The following PCDHA2 variants were observed in gnomAD, a reference collection of about 807,000 sequenced individuals.
PCDHA2 encodes the protein protocadherin alpha-2.
Under a neutral mutation model 66.0 loss-of-function variants are expected in PCDHA2, and 58 were observed. The observed-to-expected ratio is 0.88, with a 90% CI of 0.71 to 1.09. PCDHA2 has a LOEUF of 1.09. PCDHA2 is among the 50% of genes least tolerant of loss of function. PCDHA2 has a pLI of 0.00. For missense variants in PCDHA2, 1,267 were observed against 1,242.3 expected (o/e 1.02, Z -0.30); for synonymous variants, 634 against 554.0 (o/e 1.14, Z -2.03).
intron 1 of PCDHA2, chr5:140,875,666 G>A (rs781866030): frequency 1.2e-6 from 2 of 1,613,786 alleles, no homozygotes; most frequent in East Asian, 4.5e-5. Flanking sequence ...CGCCTGTTCC[G>A]GGTGGCGTCC....
intron 1 of PCDHA2, among the ~76,000 whole-genome samples, chr5:140,799,328 G>A (rs1392687463): frequency 1.3e-5 from 2 of 152,002 alleles, no homozygotes; most frequent in Non-Finnish European, 2.9e-5. Flanking sequence ...GTACTGAAAA[G>A]TGCAGTATTA....
intron 1 of PCDHA2, chr5:140,927,842 T>A (rs201721848): frequency 1.9e-6 from 3 of 1,614,140 alleles, no homozygotes; most frequent in Admixed American, 1.7e-5. Context: ...GACGAAGGTG[T>A]CTTTGGTTTA....
At chr5:140,870,789 G>A in intron 1 of PCDHA2, 3 of 1,613,630 alleles carry the variant, frequency 1.9e-6, no homozygotes, top group Admixed American at 1.7e-5. Context: ...ACAACGCGCC[G>A]GCACTGCTGG....
At chr5:140,903,616 T>C (rs1053634742) in intron 1 of PCDHA2, among the ~76,000 whole-genome samples, 72 of 152,338 alleles carry the variant, frequency 4.7e-4, no homozygotes, top group African/African-American at 1.7e-3. Context: ...CACATGAATG[T>C]GCATGCATAT....
At chr5:140,828,421 G>A (rs2150155146) in intron 1 of PCDHA2, 29 of 1,614,142 alleles carry the variant, frequency 1.8e-5, no homozygotes, top group East Asian at 1.1e-4. Context: ...AGGTGATCGT[G>A]GACAGGCCGC....
intron 1 of PCDHA2, among the ~76,000 whole-genome samples, chr5:140,949,294 T>C (rs1554218899): frequency 1.3e-5 from 2 of 151,840 alleles, no homozygotes; most frequent in African/African-American, 4.8e-5. Flanking sequence ...TATTCTGTAA[T>C]TGTTGGGTGT....
At chr5:140,883,024 A>G (rs782136244) in intron 1 of PCDHA2, 3 of 1,614,184 alleles carry the variant, frequency 1.9e-6, no homozygotes, top group Non-Finnish European at 2.5e-6. Context: ...TGACGGTGTT[A>G]GAGAACGCCT....
rs1418613785 is a variant in PCDHA2 at position 140,796,230 on chromosome 5, G to A, written c.1266G>A (p.Glu422=). The A allele has an allele frequency of 3.7e-6, 6 of 1,614,096 alleles. No homozygotes were observed. The Admixed American group carries it at 6.7e-5, about 18-fold the overall frequency. The change falls in exon 1 of 4, where the codon GAG becomes GAA. Residue 422 remains glutamate, a synonymous_variant. Coordinates refer to ENST00000526136, the MANE Select transcript of PCDHA2 (RefSeq NM_018905.3). ...ACCGCGAGAGCGTGTCAGCCTATGAGCTGGTGGTGACCGCACGGGACGGGG... is the reference window on the plus strand; with the variant it reads ...ACCGCGAGAGCGTGTCAGCCTATGAACTGGTGGTGACCGCACGGGACGGGG... ...ALDRESVSAY[E]LVVTARDGGS...
chr5:140,846,727 C>T (rs2150394030), intron 1 of PCDHA2, among the ~76,000 whole-genome samples: 16 of 149,262 alleles, frequency 1.1e-4, no homozygotes, highest in Non-Finnish European at 1.2e-4. Context: ...CTTCATTAAA[C>T]ATTAAATAGG....
At chr5:140,915,028 T>C (rs1583932096) in intron 1 of PCDHA2, among the ~76,000 whole-genome samples, 1 of 150,922 alleles carries the variant, frequency 6.6e-6, no homozygotes, top group Non-Finnish European at 1.5e-5. Context: ...TCACTGCAAC[T>C]TCTGCCTCCT....
intron 3 of PCDHA2, among the ~76,000 whole-genome samples, chr5:140,984,251 T>C (rs1164028325): frequency 6.6e-6 from 1 of 152,210 alleles, no homozygotes; most frequent in Non-Finnish European, 1.5e-5. Flanking sequence ...GTCGACCTGG[T>C]AAGCCACAAA....
intron 1 of PCDHA2, among the ~76,000 whole-genome samples, chr5:140,913,572 TCAAA>T (rs150264547): frequency 6.6e-6 from 1 of 152,264 alleles, no homozygotes; most frequent in East Asian, 1.9e-4. Context: ...TTTCATCATT[TCAAA>T]TATATTTCTG....
chr5:140,911,745 A>G (rs573838491), intron 1 of PCDHA2, among the ~76,000 whole-genome samples: 7 of 151,408 alleles, frequency 4.6e-5, no homozygotes, highest in Non-Finnish European at 1.0e-4. Flanking sequence ...AAGGACTATC[A>G]GTGTTCTCCA....
intron 1 of PCDHA2, chr5:140,862,842 G>C: frequency 1.7e-6 from 1 of 572,982 alleles, no homozygotes; most frequent in Non-Finnish European, 3.3e-6. Flanking sequence ...CGGGCATGCC[G>C]CCTCTGAGCA....
intron 1 of PCDHA2, chr5:140,851,446 T>G (rs576126527): frequency 1.1e-6 from 1 of 916,006 alleles, no homozygotes; most frequent in South Asian, 5.0e-5. Flanking sequence ...GTTGCTCCAC[T>G]TTAGGAATCA....
intron 1 of PCDHA2, chr5:140,870,439 G>T (rs374343977): frequency 6.2e-7 from 1 of 1,614,244 alleles, no homozygotes; most frequent in African/African-American, 1.3e-5. Context: ...GGAGGTGGCC[G>T]ACGTGAACGA....
At chr5:140,885,016 T>C (rs1554181958) in intron 1 of PCDHA2, among the ~76,000 whole-genome samples, 1 of 152,244 alleles carries the variant, frequency 6.6e-6, no homozygotes. Flanking sequence ...CTAATCGTAA[T>C]CTTAAATTTA....
intron 1 of PCDHA2, chr5:140,850,480 C>A: frequency 6.3e-7 from 1 of 1,597,900 alleles, no homozygotes; most frequent in African/African-American, 1.3e-5. Context: ...CTGACGGCCA[C>A]GGCCACTGTG....
chr5:140,883,995 C>A (rs1371206040), intron 1 of PCDHA2: 2 of 1,612,878 alleles, frequency 1.2e-6, no homozygotes, highest in Non-Finnish European at 8.5e-7. Flanking sequence ...GCGGGAGGCA[C>A]AGTGAGCGAG....
Sources: allele counts gnomAD v4.1 joint callset (sites outside exome capture counted in the v4.1 genomes callset), GRCh38; gene constraint gnomAD v4.1.1; transcripts MANE v1.5; gene names NCBI Gene and HGNC (gene_info 2026-07-23, HGNC 2026-07-21).